Variants in ALPK1 observed in about 807,000 individuals in gnomAD.
ALPK1 encodes the protein alpha kinase 1, also known as alpha-protein kinase 1.
Under a neutral mutation model 120.6 loss-of-function variants are expected in ALPK1, and 110 were observed. That is an observed-to-expected ratio of 0.91 (90% CI 0.78 to 1.07). ALPK1 has a LOEUF of 1.07. Among genes scored for constraint, ALPK1 ranks in the 50% least tolerant of loss-of-function variants. ALPK1 has a pLI of 0.00. For missense variants in ALPK1, 1,498 were observed against 1,483.9 expected (o/e 1.01, Z -0.16); for synonymous variants, 582 against 560.3 (o/e 1.04, Z -0.55).
intron 2 of ALPK1, among the ~76,000 whole-genome samples, chr4:112,322,508 C>T (rs570838504): frequency 5.3e-5 from 8 of 152,320 alleles, no homozygotes; most frequent in African/African-American, 1.9e-4. Flanking sequence ...TTAACAACAA[C>T]AAATATTTTT....
At chr4:112,348,580 G>T (rs1730194893) in intron 2 of ALPK1, among the ~76,000 whole-genome samples, 2 of 152,314 alleles carry the variant, frequency 1.3e-5, no homozygotes, top group East Asian at 3.9e-4. Context: ...TTGGCATGTG[G>T]GTGTTTGCTG....
At chr4:112,440,779 A>G (rs1312024772) in intron 14 of ALPK1, 138 bp from the exon 15 acceptor site, 1 of 1,388,282 alleles carries the variant, frequency 7.2e-7, no homozygotes, top group African/African-American at 1.5e-5. Flanking sequence ...ACTATAAACC[A>G]CAGGATGGCC....
intron 2 of ALPK1, among the ~76,000 whole-genome samples, chr4:112,342,301 C>T (rs1729897601): frequency 6.6e-6 from 1 of 152,122 alleles, no homozygotes; most frequent in East Asian, 1.9e-4. Context: ...GCAATTGTCT[C>T]CTAAAACTTC....
intron 2 of ALPK1, among the ~76,000 whole-genome samples, chr4:112,362,314 G>GT (rs1730950749): frequency 6.6e-6 from 1 of 152,188 alleles, no homozygotes; most frequent in South Asian, 2.1e-4. Context: ...GAAAGGTGAA[G>GT]TCCAGCTTAA....
chr4:112,345,213 G>A (rs1290092358), intron 2 of ALPK1, among the ~76,000 whole-genome samples: 1 of 152,138 alleles, frequency 6.6e-6, no homozygotes, highest in Non-Finnish European at 1.5e-5. Flanking sequence ...CATACTAATG[G>A]CTTTGAAGTA....
intron 2 of ALPK1, chr4:112,343,219 G>A (rs1407674581): frequency 6.6e-6 from 1 of 152,164 alleles, no homozygotes; most frequent in African/African-American, 2.4e-5. Flanking sequence ...TCCTTTGAAG[G>A]ACTCCTCCAC....
chr4:112,342,281 A>G (rs1560644706), intron 2 of ALPK1, among the ~76,000 whole-genome samples: 1 of 152,218 alleles, frequency 6.6e-6, no homozygotes, highest in African/African-American at 2.4e-5. Context: ...CATCCAAACT[A>G]TCATGATTAG....
At chr4:112,427,742 TTCTC>T in intron 9 of ALPK1, 77 bp downstream of exon 9, 1 of 1,025,370 alleles carries the variant, frequency 9.8e-7, no homozygotes, top group South Asian at 1.4e-5. Context: ...GTGGCTGTCT[TTCTC>T]AGGAGATTGG....
In ALPK1 at chr4:112,310,605, G is replaced by T. The variant is rs919536028; in HGVS notation, c.-152-5196G>T. On this transcript the variant is annotated intron_variant, in intron 1 of 15. Transcript: ENST00000650871. ...CTTTATCAAGTGTAAATGGGAACCT[G>T]CAGTACAGGATGCTTTTAATATGAT... Among the ~76,000 whole-genome samples, 81 of 152,042 alleles carry T rather than the reference G, an allele frequency of 5.3e-4. 4 individuals carry two copies.
intron 4 of ALPK1, among the ~76,000 whole-genome samples, chr4:112,409,015 C>G (rs1003214887): frequency 2.0e-5 from 3 of 152,150 alleles, no homozygotes; most frequent in African/African-American, 7.2e-5. Context: ...GCCTTCAGAG[C>G]CATTCTTGGA....
intron 2 of ALPK1, among the ~76,000 whole-genome samples, chr4:112,325,305 A>G (rs1403960135): frequency 1.3e-5 from 2 of 152,166 alleles, no homozygotes; most frequent in Non-Finnish European, 2.9e-5. Flanking sequence ...ACCAGCCATG[A>G]TTTTTTTCCC....
intron 12 of ALPK1, among the ~76,000 whole-genome samples, chr4:112,437,930 G>T (rs567581196): frequency 1.3e-5 from 2 of 152,304 alleles, no homozygotes; most frequent in South Asian, 4.1e-4. Context: ...ATCATTTACT[G>T]CCTTGTGTCT....
intron 4 of ALPK1, among the ~76,000 whole-genome samples, chr4:112,407,746 C>T (rs1382332989): frequency 2.6e-5 from 4 of 151,968 alleles, no homozygotes; most frequent in Non-Finnish European, 5.9e-5. Context: ...GGAGAATAGC[C>T]GGCCTCTGAA....
chr4:112,308,354 G>T (rs927889582), intron 1 of ALPK1, among the ~76,000 whole-genome samples: 3 of 152,056 alleles, frequency 2.0e-5, no homozygotes, highest in Non-Finnish European at 4.4e-5. Flanking sequence ...TTCCAACTTG[G>T]TTCCATTCTC....
At chr4:112,310,906 T>G (rs1337190151) in intron 1 of ALPK1, among the ~76,000 whole-genome samples, 1 of 151,874 alleles carries the variant, frequency 6.6e-6, no homozygotes. Flanking sequence ...TGCTGAACTT[T>G]GGGAGAGCGG....
At chr4:112,320,893 C>G (rs1223101911) in intron 2 of ALPK1, among the ~76,000 whole-genome samples, 1 of 119,212 alleles carries the variant, frequency 8.4e-6, no homozygotes, top group Admixed American at 9.5e-5. Flanking sequence ...TCACCCATTT[C>G]TTTCTTTTTT....
At chr4:112,426,610 C>A in intron 8 of ALPK1, 67 bp downstream of exon 8, 1 of 1,283,570 alleles carries the variant, frequency 7.8e-7, no homozygotes, top group Non-Finnish European at 1.1e-6. Flanking sequence ...CTCTTCATGA[C>A]AGAAGTCCAT....
intron 4 of ALPK1, among the ~76,000 whole-genome samples, chr4:112,389,148 G>A (rs965142155): frequency 4.0e-5 from 6 of 151,360 alleles, no homozygotes; most frequent in South Asian, 2.1e-4. Context: ...GGATTCAAGC[G>A]ATTCTCCTGC....
At chr4:112,395,792 A>C (rs1732621802) in intron 4 of ALPK1, among the ~76,000 whole-genome samples, 1 of 152,196 alleles carries the variant, frequency 6.6e-6, no homozygotes, top group African/African-American at 2.4e-5. Context: ...ACAGTTGAAA[A>C]ATTATGTGTC....
Sources: allele counts gnomAD v4.1 joint callset (sites outside exome capture counted in the v4.1 genomes callset), GRCh38; gene constraint gnomAD v4.1.1; transcripts MANE v1.5; gene names NCBI Gene and HGNC (gene_info 2026-07-23, HGNC 2026-07-21).